Variants in GRIK1 observed in about 807,000 individuals in gnomAD.
GRIK1 encodes the protein glutamate receptor ionotropic, kainate 1.
Under a neutral mutation model 105.7 loss-of-function variants are expected in GRIK1, and 69 were observed. The observed-to-expected ratio is 0.65, with a 90% CI of 0.54 to 0.80. The LOEUF is 0.80. Ranked by LOEUF, GRIK1 falls within the 30% of genes least tolerant of loss-of-function variation. The pLI is 0.00. For synonymous variants in GRIK1, 438 were observed against 431.3 expected (o/e 1.02, Z -0.19); for missense variants, 1,109 against 1,167.3 (o/e 0.95, Z 0.73).
At chr21:29,817,793 C>T (rs1325321211) in intron 1 of GRIK1, among the ~76,000 whole-genome samples, 2 of 152,096 alleles carry the variant, frequency 1.3e-5, no homozygotes, top group Admixed American at 1.3e-4. Flanking sequence ...TTTGTTGCTG[C>T]AGCAAAAGTT....
intron 7 of GRIK1, among the ~76,000 whole-genome samples, chr21:29,625,754 T>G (rs1012572630): frequency 1.1e-4 from 16 of 152,234 alleles, no homozygotes; most frequent in Non-Finnish European, 1.9e-4. Flanking sequence ...GTCTTATTAG[T>G]ACAATTCCTG....
chr21:29,794,767 A>G (rs1255044842), intron 1 of GRIK1, among the ~76,000 whole-genome samples: 1 of 152,256 alleles, frequency 6.6e-6, no homozygotes, highest in East Asian at 1.9e-4. Flanking sequence ...AAATAGAAAT[A>G]TGTCTCTGAG....
intron 1 of GRIK1, among the ~76,000 whole-genome samples, chr21:29,832,636 G>A (rs572513334): frequency 6.6e-6 from 1 of 152,186 alleles, no homozygotes; most frequent in African/African-American, 2.4e-5. Flanking sequence ...AGCTGGAGCT[G>A]CTGGGATGCA....
chr21:29,676,132 A>G, intron 3 of GRIK1, among the ~76,000 whole-genome samples: 1 of 152,212 alleles, frequency 6.6e-6, no homozygotes, highest in East Asian at 1.9e-4. Context: ...AAATAGGAGA[A>G]CAATTCAGTC....
chr21:29,596,672 G>A (rs2061420058), intron 8 of GRIK1, 102 bp from the exon 9 acceptor site: 5 of 829,092 alleles, frequency 6.0e-6, no homozygotes, highest in Admixed American at 1.7e-5. Context: ...GAGTGTTACA[G>A]TTCCCACCCA....
At position 29,813,913 on chromosome 21, in the gene GRIK1, CTT is replaced by C. The variant is rs35127743; in HGVS notation, c.119-119852_119-119851del. On this transcript the variant is annotated intron_variant, in intron 1 of 17. Transcript: ENST00000327783. ...CACGGGTTAGACCCCAAGAAACATT[CTT>C]TTTTTTTTTTTTTTTTGAGATGGAA... Among the ~76,000 whole-genome samples the C allele has an allele frequency of 4.2e-4, 53 of 126,246 alleles. 1 individual carries two copies. Among genetic ancestry groups the C allele is most frequent in the Middle Eastern group, 4.4e-3 (1 of 228 alleles). 82.8% of individuals were successfully genotyped at this position (126,246 alleles called of 152,430 possible).
At chr21:29,794,227 G>A (rs1176465734) in intron 1 of GRIK1, among the ~76,000 whole-genome samples, 1 of 152,032 alleles carries the variant, frequency 6.6e-6, no homozygotes, top group Non-Finnish European at 1.5e-5. Flanking sequence ...ACATATGAAA[G>A]CAATTTCTTT....
chr21:29,651,212 T>C lies in GRIK1; in HGVS notation c.860A>G (p.Asn287Ser). 1 of 1,613,300 alleles carries C rather than the reference T, an allele frequency of 6.2e-7. No individual in the cohort carries two copies. The highest frequency in any genetic ancestry group is 8.5e-7 in the Non-Finnish European group (1 of 1,179,392). The change falls in exon 6 of 18, where the codon AAC (asparagine) becomes AGC (serine). Residue 287 changes from asparagine (N) to serine (S), a missense_variant. Coordinates refer to ENST00000327783, the MANE Select transcript of GRIK1 (RefSeq NM_001330994.2). The part of the protein sequence containing the change: ...MTGFRLLNID[N>S]PHVSSIIEKW... ...CTCAATGATGGATGACACGTGAGGGTTGTCAATGTTAAGCAGCCGAAACCC... is the reference window on the plus strand; with the variant it reads ...CTCAATGATGGATGACACGTGAGGGCTGTCAATGTTAAGCAGCCGAAACCC...
At chr21:29,799,542 T>C (rs756837725) in intron 1 of GRIK1, among the ~76,000 whole-genome samples, 2 of 130,602 alleles carry the variant, frequency 1.5e-5, no homozygotes, top group Non-Finnish European at 3.2e-5. Flanking sequence ...TGTTTGTTTG[T>C]TTTTTGAGAT....
At chr21:29,658,954 A>G (rs374533023) in intron 4 of GRIK1, among the ~76,000 whole-genome samples, 1 of 152,180 alleles carries the variant, frequency 6.6e-6, no homozygotes. Context: ...TTTCTGTTAC[A>G]TGAATACTGC....
intron 1 of GRIK1, among the ~76,000 whole-genome samples, chr21:29,862,433 A>G (rs1052387357): frequency 6.6e-6 from 1 of 152,002 alleles, no homozygotes; most frequent in Non-Finnish European, 1.5e-5. Flanking sequence ...AAAACTTTCT[A>G]TCAGTGTATA....
At chr21:29,585,460 A>C (rs575669000) in intron 12 of GRIK1, among the ~76,000 whole-genome samples, 14 of 152,260 alleles carry the variant, frequency 9.2e-5, no homozygotes, top group African/African-American at 2.9e-4. Flanking sequence ...TTCTTCTCCT[A>C]CTGGCTTTGG....
chr21:29,590,710 G>A (rs2061320779), intron 10 of GRIK1, among the ~76,000 whole-genome samples: 1 of 152,170 alleles, frequency 6.6e-6, no homozygotes, highest in African/African-American at 2.4e-5. Flanking sequence ...GAAAGTCAGA[G>A]GTTCTGAAAA....
At chr21:29,795,895 A>C (rs958921161) in intron 1 of GRIK1, among the ~76,000 whole-genome samples, 1 of 151,934 alleles carries the variant, frequency 6.6e-6, no homozygotes, top group South Asian at 2.1e-4. Context: ...AACTTGTCTC[A>C]TATTTGGACA....
intron 1 of GRIK1, among the ~76,000 whole-genome samples, chr21:29,813,634 C>G (rs1346361982): frequency 6.6e-6 from 1 of 152,022 alleles, no homozygotes; most frequent in African/African-American, 2.4e-5. Context: ...TGTCTGAAGC[C>G]ACTGTGTCTA....
intron 7 of GRIK1, among the ~76,000 whole-genome samples, chr21:29,638,724 G>A (rs558652045): frequency 9.8e-5 from 15 of 152,296 alleles, no homozygotes; most frequent in Admixed American, 2.6e-4. Context: ...AAGAAAAGGT[G>A]TTAATCTAAC....
rs1417380213 is a variant in GRIK1 at position 29,868,601 on chromosome 21, A to G, written c.118+70782T>C. Among the ~76,000 whole-genome samples, 3 of 152,154 alleles carry G rather than the reference A, an allele frequency of 2.0e-5. No individual in the cohort carries two copies. The South Asian group carries it at 6.2e-4, about 32-fold the overall frequency. ...ACTTTTCTAGGGGTAATTTAGGTAC[A>G]CACTAGGAGTTTCTGTCCCTTCCTC... On this transcript the variant is annotated intron_variant, in intron 1 of 17. Coordinates refer to ENST00000327783, the MANE Select transcript of GRIK1 (RefSeq NM_001330994.2).
At chr21:29,676,825 G>T (rs1259621991) in intron 3 of GRIK1, among the ~76,000 whole-genome samples, 1 of 152,180 alleles carries the variant, frequency 6.6e-6, no homozygotes, top group African/African-American at 2.4e-5. Flanking sequence ...AGGCTGAATT[G>T]TCTGAATCAA....
chr21:29,851,944 A>G (rs1396516183), intron 1 of GRIK1, among the ~76,000 whole-genome samples: 1 of 152,228 alleles, frequency 6.6e-6, no homozygotes, highest in Admixed American at 6.5e-5. Context: ...AGACACTACC[A>G]TTCCGTTCAC....
Sources: gnomAD v4.1 joint callset for allele counts (sites outside exome capture counted in the v4.1 genomes callset) on GRCh38, gnomAD v4.1.1 for gene constraint, MANE v1.5 for transcripts, NCBI Gene and HGNC (gene_info 2026-07-23, HGNC 2026-07-21) for gene names.